The following COA1 variants were observed in gnomAD, a reference collection of about 807,000 sequenced individuals.
COA1 encodes cytochrome c oxidase assembly factor 1.
Under a neutral mutation model 16.0 loss-of-function variants are expected in COA1, and 13 were observed. The ratio of observed to expected loss-of-function variants is 0.81; its 90% CI spans 0.53 to 1.29. The LOEUF is 1.29. COA1 is among the 50% of genes most tolerant of loss of function. The pLI, the probability that COA1 is intolerant of heterozygous loss-of-function variation, is 0.00. For synonymous variants in COA1, 65 were observed against 65.7 expected (o/e 0.99, Z 0.05); for missense variants, 179 against 177.0 (o/e 1.01, Z -0.06).
At chr7:43,723,780 A>G (rs1189934339) in intron 1 of COA1, among the ~76,000 whole-genome samples, 1 of 152,160 alleles carries the variant, frequency 6.6e-6, no homozygotes, top group Non-Finnish European at 1.5e-5. Flanking sequence ...TATAAAAATT[A>G]GCCCGGCGTG....
intron 1 of COA1, among the ~76,000 whole-genome samples, chr7:43,706,851 CAGAG>C (rs2095000562): frequency 2.0e-5 from 3 of 149,460 alleles, no homozygotes. Flanking sequence ...GCCTGGGCAA[CAGAG>C]AAAGACCTTG....
At chr7:43,701,640 T>A (rs1473280275) in intron 1 of COA1, among the ~76,000 whole-genome samples, 1 of 152,108 alleles carries the variant, frequency 6.6e-6, no homozygotes, top group Non-Finnish European at 1.5e-5. Context: ...AGATTGGTAG[T>A]TCTGTTTTTA....
intron 1 of COA1, among the ~76,000 whole-genome samples, chr7:43,727,774 C>T (rs2095646838): frequency 6.6e-6 from 1 of 152,134 alleles, no homozygotes; most frequent in African/African-American, 2.4e-5. Context: ...TGAAAATGTT[C>T]AATTGTTCCA....
intron 1 of COA1, among the ~76,000 whole-genome samples, chr7:43,694,671 A>G (rs1185550414): frequency 4.6e-5 from 7 of 152,132 alleles, no homozygotes; most frequent in Admixed American, 4.6e-4. Context: ...TCCCAACTCT[A>G]AACACTGGAA....
intron 1 of COA1, among the ~76,000 whole-genome samples, chr7:43,709,434 T>TTGTGTGTGTGTGTGTGTGTG (rs59823123): frequency 9.0e-5 from 13 of 144,988 alleles, no homozygotes; most frequent in Non-Finnish European, 1.7e-4. Flanking sequence ...CTTTGTTTTA[T>TTGTGTGTGTGTGTGTGTGTG]TGTGTGTGTG....
chr7:43,687,927 AG>A (rs1448226135), intron 1 of COA1, among the ~76,000 whole-genome samples: 7 of 152,160 alleles, frequency 4.6e-5, no homozygotes, highest in Admixed American at 2.0e-4. Flanking sequence ...AGGGACCCAG[AG>A]GGAGGTAACT....
intron 1 of COA1, among the ~76,000 whole-genome samples, chr7:43,728,204 G>C (rs1380941905): frequency 6.6e-6 from 1 of 152,098 alleles, no homozygotes; most frequent in African/African-American, 2.4e-5. Flanking sequence ...TTGATCTCCT[G>C]ACCTCGTGAT....
At position 43,639,387 on chromosome 7, in the gene COA1, C is replaced by A; in HGVS notation, c.*195G>T. 4.4e-6 allele frequency: 2 copies of A among 459,360 alleles called. No individual in the cohort carries two copies. Among genetic ancestry groups the A allele is most frequent in the Non-Finnish European group, 3.9e-6 (1 of 254,584 alleles). The allele number at this position is 459,360 out of a possible 1,614,324, so 28.5% of individuals were successfully genotyped here. ...TCTTTCGGATTCAGTTTAAAAATGA[C>A]AAATAGCATTTGTTGTGCCCAAGTT... On this transcript the variant is annotated 3_prime_UTR_variant, in exon 6 of 6. Coordinates refer to ENST00000223336, the MANE Select transcript of COA1 (RefSeq NM_018224.4).
At chr7:43,661,244 A>G (rs1413264709) in intron 1 of COA1, among the ~76,000 whole-genome samples, 1 of 152,242 alleles carries the variant, frequency 6.6e-6, no homozygotes, top group Admixed American at 6.5e-5. Flanking sequence ...AGAATGCCTC[A>G]TATCTAACAC....
chr7:43,640,470 C>A, intron 5 of COA1, 103 bp downstream of exon 5: 1 of 860,556 alleles, frequency 1.2e-6, no homozygotes, highest in East Asian at 2.6e-5. Flanking sequence ...ATAATTCTTC[C>A]TATGCCCACA....
chr7:43,657,114 A>G (rs576046433), intron 1 of COA1: 2 of 152,220 alleles, frequency 1.3e-5, no homozygotes, highest in Non-Finnish European at 2.9e-5. Flanking sequence ...TTTACCTTGC[A>G]AAGTACAACA....
intron 1 of COA1, among the ~76,000 whole-genome samples, chr7:43,684,171 T>G (rs1033918501): frequency 7.9e-5 from 12 of 152,116 alleles, no homozygotes; most frequent in African/African-American, 2.7e-4. Flanking sequence ...GGATAAAACC[T>G]TCCACCTCAG....
chr7:43,703,520 G>C (rs1230697268), intron 1 of COA1, among the ~76,000 whole-genome samples: 2 of 152,114 alleles, frequency 1.3e-5, no homozygotes, highest in Admixed American at 1.3e-4. Flanking sequence ...CTCTAGTGTT[G>C]GGTGCATATA....
chr7:43,709,968 C>T (rs780654488), intron 1 of COA1, among the ~76,000 whole-genome samples: 2 of 152,108 alleles, frequency 1.3e-5, no homozygotes, highest in Admixed American at 6.6e-5. Context: ...TCCTGCAAGG[C>T]TAAACTCACA....
chr7:43,709,169 G>A (rs769602503), intron 1 of COA1, among the ~76,000 whole-genome samples: 6 of 151,730 alleles, frequency 4.0e-5, no homozygotes, highest in East Asian at 1.9e-4. Context: ...GACTACAGGC[G>A]CCTGCCACCA....
chr7:43,704,803 T>C lies in COA1; in HGVS notation c.-39+24626A>G, dbSNP rs2094905793. Among the ~76,000 whole-genome samples, 7 of 152,196 alleles carry C rather than the reference T, an allele frequency of 4.6e-5. No homozygotes were observed. In the South Asian group the frequency reaches 1.4e-3, roughly 32 times the overall value. On this transcript the variant is annotated intron_variant, in intron 1 of 5. Transcript: ENST00000223336. ...CAGATTCTGAATTCTATGTCTGTCA[T>C]TTCAGTCTTTTCAGCCCGGTTAAGA...
chr7:43,727,511 A>C (rs1223813647), intron 1 of COA1, among the ~76,000 whole-genome samples: 1 of 152,242 alleles, frequency 6.6e-6, no homozygotes, highest in African/African-American at 2.4e-5. Context: ...GGTAATACCC[A>C]TAAAAGATTA....
intron 3 of COA1, 33 bp downstream of exon 3, chr7:43,647,502 G>C: frequency 6.9e-7 from 1 of 1,445,078 alleles, no homozygotes; most frequent in East Asian, 2.3e-5. Flanking sequence ...GCTAGGAGGA[G>C]GTCAGGCCGC....
At chr7:43,670,236 A>G (rs718876) in intron 1 of COA1, among the ~76,000 whole-genome samples, 125,776 of 152,146 alleles carry the variant, frequency 0.83, 52,420 homozygotes, top group African/African-American at 0.94. Context: ...ATCACTTGAG[A>G]TCAGGAGTTC....
Sources: allele counts gnomAD v4.1 joint callset (sites outside exome capture counted in the v4.1 genomes callset), GRCh38; gene constraint gnomAD v4.1.1; transcripts MANE v1.5; gene names NCBI Gene and HGNC (gene_info 2026-07-23, HGNC 2026-07-21).